The following RBFOX1 variants were observed in gnomAD, a reference collection of about 807,000 sequenced individuals.
The protein encoded by RBFOX1 is RNA binding protein fox-1 homolog 1.
In RBFOX1, 8 loss-of-function variants were observed where a neutral mutation model predicts 57.7. The ratio of observed to expected loss-of-function variants is 0.14; its 90% CI spans 0.08 to 0.25. The LOEUF (loss-of-function observed/expected upper bound fraction) is 0.25, where lower values mean the gene tolerates loss of function less well. Among genes scored for constraint, RBFOX1 ranks in the 10% least tolerant of loss-of-function variants. The pLI, the probability that RBFOX1 is intolerant of heterozygous loss-of-function variation, is 1.00. For synonymous variants in RBFOX1, 326 were observed against 222.4 expected (o/e 1.47, Z -4.15); for missense variants, 611 against 548.5 (o/e 1.11, Z -1.14).
intron 1 of RBFOX1, among the ~76,000 whole-genome samples, chr16:5,389,982 A>G (rs1446975376): frequency 6.6e-6 from 1 of 152,098 alleles, no homozygotes; most frequent in Non-Finnish European, 1.5e-5. Context: ...TACAGGCATG[A>G]GACACCATGC....
rs566290381 is a variant in RBFOX1 at position 6,912,974 on chromosome 16, T to G, written c.-15-139083T>G. On this transcript the variant is annotated intron_variant, in intron 3 of 15. Transcript: ENST00000550418. The stretch of plus-strand genomic sequence containing the variant: ...ATCTTGGGCAATATCTCACCTCATC[T>G]GGCTGTTACCCAACACTGTGCTTTA... Among the ~76,000 whole-genome samples, 9 of 152,158 alleles carry G rather than the reference T, an allele frequency of 5.9e-5. No individual in the cohort carries two copies. In the South Asian group the frequency reaches 1.7e-3, roughly 28 times the overall value.
chr16:5,572,901 C>A (rs930115606), intron 2 of RBFOX1, among the ~76,000 whole-genome samples: 1 of 151,986 alleles, frequency 6.6e-6, no homozygotes, highest in African/African-American at 2.4e-5. Context: ...ATGGTGGGAG[C>A]CAGGGCAGAC....
intron 1 of RBFOX1, among the ~76,000 whole-genome samples, chr16:5,368,903 G>C (rs567683033): frequency 6.6e-6 from 1 of 152,142 alleles, no homozygotes; most frequent in Non-Finnish European, 1.5e-5. Context: ...TATGAGTTAG[G>C]TTTTCTGTGG....
At chr16:6,704,054 G>T (rs554199995) in intron 3 of RBFOX1, 1 of 152,200 alleles carries the variant, frequency 6.6e-6, no homozygotes, top group African/African-American at 2.4e-5. Context: ...CCTCCTCCTC[G>T]AGCTCTTTGA....
rs1214609578 is a variant in RBFOX1 at position 6,767,945 on chromosome 16, AATAAG to A, written c.-16+113297_-16+113301del. Among the ~76,000 whole-genome samples, 9 of 76,906 alleles carry A rather than the reference AATAAG, an allele frequency of 1.2e-4. No individual in the cohort carries two copies. The East Asian group carries it at 2.1e-3, about 18-fold the overall frequency. The allele number at this position is 76,906 out of a possible 152,430, so 50.5% of individuals were successfully genotyped here. A position where few individuals can be genotyped will look rare whatever the true frequency, so the allele number is the denominator to read the frequency against. On this transcript the variant is annotated intron_variant, in intron 3 of 15. Transcript: ENST00000550418. ...TAATAATAATAATAATAATAATAAT[AATAAG>A]AAGAAGAAGAAGAAGAAGAAGAAGA... is the stretch of plus-strand genomic sequence containing the variant.
intron 1 of RBFOX1, among the ~76,000 whole-genome samples, chr16:5,446,382 A>T (rs748033065): frequency 2.6e-5 from 4 of 152,208 alleles, no homozygotes; most frequent in Non-Finnish European, 4.4e-5. Context: ...GTTAGATTCA[A>T]ACATGCTCAC....
intron 3 of RBFOX1, among the ~76,000 whole-genome samples, chr16:7,001,326 C>G (rs1169183824): frequency 6.6e-6 from 1 of 151,890 alleles, no homozygotes; most frequent in African/African-American, 2.4e-5. Flanking sequence ...TTATGTATTT[C>G]CTACCCTGGC....
Position 6,717,526 on chromosome 16 carries a change from A to G in RBFOX1, c.-16+62876A>G, listed in dbSNP as rs560392178. 2.3e-4 allele frequency among the ~76,000 whole-genome samples: 35 copies of G among 152,140 alleles called. 2 individuals carry two copies. In the South Asian group the frequency reaches 7.3e-3, roughly 32 times the overall value. ...AGAAGCAGAGATTTAACAACCAAAA[A>G]TTGTGCATAGTCAACCTGATGAATT... On this transcript the variant is annotated intron_variant, in intron 3 of 15. Transcript: ENST00000550418.
intron 3 of RBFOX1, among the ~76,000 whole-genome samples, chr16:5,624,372 T>C (rs1296752689): frequency 1.3e-5 from 2 of 152,334 alleles, no homozygotes; most frequent in African/African-American, 4.8e-5. Context: ...TTTTTTTTCT[T>C]ATTTTTAGTA....
intron 1 of RBFOX1, among the ~76,000 whole-genome samples, chr16:6,226,145 A>C (rs1411686454): frequency 6.7e-6 from 1 of 148,880 alleles, no homozygotes; most frequent in Non-Finnish European, 1.5e-5. Flanking sequence ...GGATCACCTG[A>C]GGTCAGGAAT....
chr16:7,044,398 C>T (rs945263947), intron 3 of RBFOX1, among the ~76,000 whole-genome samples: 1 of 152,120 alleles, frequency 6.6e-6, no homozygotes, highest in Non-Finnish European at 1.5e-5. Flanking sequence ...AACTCAAAGT[C>T]AGGAGAAGGA....
At chr16:7,072,535 TA>T (rs1255024691) in intron 4 of RBFOX1, among the ~76,000 whole-genome samples, 1 of 152,210 alleles carries the variant, frequency 6.6e-6, no homozygotes, top group Non-Finnish European at 1.5e-5. Context: ...TACCAGTGGC[TA>T]TTGTTTTTTG....
chr16:6,943,959 G>C lies in RBFOX1; in HGVS notation c.-15-108098G>C, dbSNP rs565547229. Among the ~76,000 whole-genome samples the C allele has an allele frequency of 5.0e-4, 76 of 152,258 alleles. 1 individual carries two copies. The highest frequency in any genetic ancestry group is 1.7e-3 in the African/African-American group (72 of 41,560). On this transcript the variant is annotated intron_variant, in intron 3 of 15. Coordinates refer to ENST00000550418, the MANE Select transcript of RBFOX1 (RefSeq NM_018723.4). ...CCTGGAGTCTCTCTGAATCTGCTGG[G>C]ATTCTGGGGGCTGCCCAACTCACGA...
At chr16:5,954,817 A>G (rs1214703586) in intron 4 of RBFOX1, among the ~76,000 whole-genome samples, 3 of 152,016 alleles carry the variant, frequency 2.0e-5, no homozygotes, top group East Asian at 1.9e-4. Flanking sequence ...CTCTTAGCCA[A>G]TATTTCTAGG....
intron 2 of RBFOX1, among the ~76,000 whole-genome samples, chr16:6,367,384 C>G (rs1297179914): frequency 1.3e-5 from 2 of 152,142 alleles, no homozygotes; most frequent in African/African-American, 4.8e-5. Context: ...GATTCCCCTG[C>G]CTCAGCCTCC....
At chr16:5,290,068 C>G (rs1317688893) in intron 1 of RBFOX1, among the ~76,000 whole-genome samples, 2 of 152,170 alleles carry the variant, frequency 1.3e-5, no homozygotes, top group African/African-American at 4.8e-5. Context: ...CTAACACGTG[C>G]TACAACACGG....
At chr16:5,885,165 A>G (rs2057867913) in intron 4 of RBFOX1, among the ~76,000 whole-genome samples, 1 of 152,088 alleles carries the variant, frequency 6.6e-6, no homozygotes, top group African/African-American at 2.4e-5. Flanking sequence ...GCTATGGTTT[A>G]CCACGCTGTT....
At chr16:7,543,061 A>G (rs1424067672) in intron 5 of RBFOX1, among the ~76,000 whole-genome samples, 1 of 152,046 alleles carries the variant, frequency 6.6e-6, no homozygotes, top group African/African-American at 2.4e-5. Context: ...TAGGTGGGGG[A>G]AAGAGGTTAG....
intron 3 of RBFOX1, among the ~76,000 whole-genome samples, chr16:6,688,032 T>G (rs2059692110): frequency 6.6e-6 from 1 of 152,212 alleles, no homozygotes; most frequent in Non-Finnish European, 1.5e-5. Context: ...CCTCACCTGT[T>G]GTATTAGTCC....
Sources: allele counts gnomAD v4.1 joint callset (sites outside exome capture counted in the v4.1 genomes callset), GRCh38; gene constraint gnomAD v4.1.1; transcripts MANE v1.5; gene names NCBI Gene and HGNC (gene_info 2026-07-23, HGNC 2026-07-21).